The following AMPH variants were observed in gnomAD, a reference collection of about 807,000 sequenced individuals.
The protein encoded by AMPH is amphiphysin, also known as amphiphysin (Stiff-Mann syndrome with breast cancer 128kD autoantigen).
AMPH carries 49 observed loss-of-function variants against 99.1 expected under a neutral mutation model. The observed-to-expected ratio is 0.49, with a 90% CI of 0.39 to 0.63. The LOEUF (loss-of-function observed/expected upper bound fraction) is 0.63, where lower values mean the gene tolerates loss of function less well. Among genes scored for constraint, AMPH ranks in the 20% least tolerant of loss-of-function variants. The probability of loss-of-function intolerance (pLI) is 0.00; values close to 1 mark genes in which losing one functional copy is unlikely to be tolerated. For synonymous variants in AMPH, 314 were observed against 317.3 expected, an observed-to-expected ratio of 0.99 and a Z score of 0.11; for missense variants, 759 against 863.4, an observed-to-expected ratio of 0.88 and a Z score of 1.52.
chr7:38,402,148 C>T (rs1246553966), intron 17 of AMPH, among the ~76,000 whole-genome samples: 2 of 152,118 alleles, frequency 1.3e-5, no homozygotes, highest in East Asian at 3.9e-4. Flanking sequence ...TATTGAGTTC[C>T]CTTTTCATCT....
chr7:38,512,893 C>T (rs1789591924), intron 2 of AMPH, among the ~76,000 whole-genome samples: 1 of 152,226 alleles, frequency 6.6e-6, no homozygotes, highest in African/African-American at 2.4e-5. Flanking sequence ...TCCTGTCTGG[C>T]ACCATGGACA....
chr7:38,410,607 A>C (rs928606412), intron 17 of AMPH, among the ~76,000 whole-genome samples: 7 of 152,240 alleles, frequency 4.6e-5, no homozygotes, highest in Non-Finnish European at 1.5e-5. Context: ...GAATTTTTAA[A>C]GTAATACATT....
intron 1 of AMPH, among the ~76,000 whole-genome samples, chr7:38,552,663 G>A (rs549463898): frequency 1.4e-4 from 21 of 152,164 alleles, no homozygotes; most frequent in African/African-American, 5.1e-4. Context: ...TCAGGTTACT[G>A]GGATGCACAC....
intron 3 of AMPH, among the ~76,000 whole-genome samples, chr7:38,500,461 C>T (rs1971809): frequency 0.81 from 123,213 of 152,106 alleles, 50,160 homozygotes; most frequent in Middle Eastern, 0.87. Flanking sequence ...AAAGGCTTAT[C>T]TGATGCTTCA....
At chr7:38,483,050 C>T (rs1270448775) in intron 5 of AMPH, among the ~76,000 whole-genome samples, 1 of 152,096 alleles carries the variant, frequency 6.6e-6, no homozygotes, top group Non-Finnish European at 1.5e-5. Context: ...TTCTTGCTAT[C>T]CCTAGCACAG....
chr7:38,521,941 G>A (rs917648715), intron 2 of AMPH, among the ~76,000 whole-genome samples: 5 of 152,160 alleles, frequency 3.3e-5, no homozygotes, highest in Admixed American at 3.3e-4. Flanking sequence ...ATTTCCCTCA[G>A]TGGAACAGGG....
intron 7 of AMPH, among the ~76,000 whole-genome samples, chr7:38,474,773 C>T (rs1788019994): frequency 1.3e-5 from 2 of 152,090 alleles, no homozygotes; most frequent in South Asian, 4.2e-4. Flanking sequence ...TTTCAAAATG[C>T]ACGTAATTCC....
chr7:38,582,483 T>A (rs1304704336), intron 1 of AMPH, among the ~76,000 whole-genome samples: 1 of 152,222 alleles, frequency 6.6e-6, no homozygotes, highest in Admixed American at 6.5e-5. Flanking sequence ...TCAAAACTAC[T>A]CTTATTCTTT....
intron 9 of AMPH, among the ~76,000 whole-genome samples, chr7:38,463,552 T>G (rs957965789): frequency 3.9e-5 from 6 of 152,240 alleles, no homozygotes; most frequent in Non-Finnish European, 7.3e-5. Context: ...CAAGAGAATC[T>G]TGCCATGTCA....
intron 7 of AMPH, among the ~76,000 whole-genome samples, chr7:38,471,552 G>A (rs577479744): frequency 2.0e-5 from 3 of 152,218 alleles, no homozygotes; most frequent in Non-Finnish European, 4.4e-5. Flanking sequence ...GGCAGTAATG[G>A]AGGAATAGAG....
At chr7:38,437,911 T>C (rs1786349496) in intron 11 of AMPH, among the ~76,000 whole-genome samples, 1 of 152,202 alleles carries the variant, frequency 6.6e-6, no homozygotes, top group Non-Finnish European at 1.5e-5. Flanking sequence ...TAATATGTCA[T>C]GCTATTAGCC....
At chr7:38,480,396 T>C (rs1788243404) in intron 5 of AMPH, among the ~76,000 whole-genome samples, 1 of 152,072 alleles carries the variant, frequency 6.6e-6, no homozygotes, top group African/African-American at 2.4e-5. Context: ...CCACGGGTTC[T>C]TTGCTCACCT....
intron 9 of AMPH, among the ~76,000 whole-genome samples, chr7:38,463,623 G>A (rs1787541611): frequency 1.3e-5 from 2 of 152,196 alleles, no homozygotes; most frequent in South Asian, 2.1e-4. Context: ...TTAGGATAGT[G>A]TTAGTAAGGA....
At chr7:38,555,928 A>T (rs1198620856) in intron 1 of AMPH, among the ~76,000 whole-genome samples, 1 of 152,136 alleles carries the variant, frequency 6.6e-6, no homozygotes, top group Non-Finnish European at 1.5e-5. Context: ...ACATGGACAT[A>T]AAGATGGCAA....
chr7:38,487,703 C>T (rs1160704101), intron 5 of AMPH, among the ~76,000 whole-genome samples: 11 of 152,098 alleles, frequency 7.2e-5, no homozygotes, highest in African/African-American at 2.2e-4. Context: ...AGCTTCTGCA[C>T]AGCAAAAGAA....
chr7:38,557,490 A>T (rs1423683999), intron 1 of AMPH, among the ~76,000 whole-genome samples: 2 of 152,132 alleles, frequency 1.3e-5, no homozygotes, highest in Non-Finnish European at 1.5e-5. Context: ...CTGGGCACTC[A>T]TTCTTCTCCT....
intron 12 of AMPH, among the ~76,000 whole-genome samples, chr7:38,434,522 G>A (rs555725417): frequency 3.5e-4 from 53 of 152,192 alleles, no homozygotes; most frequent in South Asian, 2.1e-4. Context: ...GGCAGATCAC[G>A]CGGTCAGGAG....
At chr7:38,621,710 T>C (rs1424161621) in intron 1 of AMPH, among the ~76,000 whole-genome samples, 1 of 152,202 alleles carries the variant, frequency 6.6e-6, no homozygotes, top group African/African-American at 2.4e-5. Context: ...GAGAGTAAGA[T>C]GTAAATGACC....
chr7:38,587,949 T>TGTGTGTGTGTGTGCGC (rs931620644), intron 1 of AMPH, among the ~76,000 whole-genome samples: 28 of 146,196 alleles, frequency 1.9e-4, no homozygotes, highest in African/African-American at 7.1e-4. Context: ...TGTGTGTGTG[T>TGTGTGTGTGTGTGCGC]GCGCGTGTGT....
Sources: allele counts gnomAD v4.1 joint callset (sites outside exome capture counted in the v4.1 genomes callset), GRCh38; gene constraint gnomAD v4.1.1; transcripts MANE v1.5; gene names NCBI Gene and HGNC (gene_info 2026-07-23, HGNC 2026-07-21).